RASGEF1A: variants seen among roughly 807,000 people sequenced by gnomAD.
The protein encoded by RASGEF1A is RasGEF domain family member 1A, also known as ras-GEF domain-containing family member 1A.
Under a neutral mutation model 56.4 loss-of-function variants are expected in RASGEF1A, and 18 were observed. The observed-to-expected ratio is 0.32, with a 90% CI of 0.22 to 0.47. RASGEF1A has a LOEUF of 0.47. Ranked by LOEUF, RASGEF1A falls within the 20% of genes least tolerant of loss-of-function variation. The pLI is 1.00. For synonymous variants in RASGEF1A, 245 were observed against 242.6 expected (o/e 1.01, Z -0.09); for missense variants, 422 against 627.1 (o/e 0.67, Z 3.49).
intron 1 of RASGEF1A, chr10:43,209,042 G>A: frequency 1.0e-6 from 1 of 985,386 alleles, no homozygotes; most frequent in African/African-American, 1.7e-5. Flanking sequence ...CTTCCTCCTT[G>A]CCCCAACAGC....
At chr10:43,257,116 G>A (rs926277016) in intron 1 of RASGEF1A, among the ~76,000 whole-genome samples, 38 of 152,202 alleles carry the variant, frequency 2.5e-4, no homozygotes, top group Admixed American at 1.4e-3. Context: ...CAATGGTTCT[G>A]CCTGAGTCCA....
At chr10:43,223,703 C>A (rs1188886622) in intron 1 of RASGEF1A, among the ~76,000 whole-genome samples, 1 of 152,120 alleles carries the variant, frequency 6.6e-6, no homozygotes, top group Non-Finnish European at 1.5e-5. Context: ...CAAGGATAAC[C>A]CTCTTGCAAT....
chr10:43,222,595 G>A lies in RASGEF1A; in HGVS notation c.-6-16473C>T, dbSNP rs564458786. On this transcript the variant is annotated intron_variant, in intron 1 of 12. Coordinates refer to ENST00000395810, the MANE Select transcript of RASGEF1A (RefSeq NM_145313.4). ...GCCTGGGAGGACAGGGAAGCTCCAC[G>A]CCCCTTCTCACATGCCTTGCCCTGA... Among the ~76,000 whole-genome samples the A allele has an allele frequency of 3.3e-5, 5 of 152,368 alleles. No homozygotes were observed. The South Asian group carries it at 6.2e-4, about 19-fold the overall frequency.
intron 1 of RASGEF1A, among the ~76,000 whole-genome samples, chr10:43,217,292 T>G (rs115783533): frequency 6.6e-6 from 1 of 152,048 alleles, no homozygotes; most frequent in Non-Finnish European, 1.5e-5. Context: ...AGTCCTTCCA[T>G]CCCCCTTTGG....
At chr10:43,257,351 C>T (rs960635477) in intron 1 of RASGEF1A, among the ~76,000 whole-genome samples, 1 of 152,258 alleles carries the variant, frequency 6.6e-6, no homozygotes, top group South Asian at 2.1e-4. Context: ...CACCCCTCAC[C>T]AGGTGGGCAG....
At chr10:43,235,764 G>A (rs1840423523) in intron 1 of RASGEF1A, among the ~76,000 whole-genome samples, 1 of 152,170 alleles carries the variant, frequency 6.6e-6, no homozygotes, top group Non-Finnish European at 1.5e-5. Flanking sequence ...ACGCATCCAG[G>A]GATCGGGGGG....
At chr10:43,199,255 C>T in intron 7 of RASGEF1A, 61 bp from the exon 8 acceptor site, 1 of 1,337,862 alleles carries the variant, frequency 7.5e-7, no homozygotes. Flanking sequence ...GCTGGGGCCG[C>T]CGGGCAGAGG....
chr10:43,196,406 G>T lies in RASGEF1A; in HGVS notation c.1421+70C>A. The T allele has an allele frequency of 6.4e-7, 1 of 1,566,354 alleles. No individual in the cohort carries two copies. Reference sequence around the variant, plus strand: ...AGTGCCCAGGCTCCCTTTCCAGGAGGGTAACCCTCGTGCCCACCCTGAGTC... The same window carrying T: ...AGTGCCCAGGCTCCCTTTCCAGGAGTGTAACCCTCGTGCCCACCCTGAGTC... On this transcript the variant is annotated intron_variant, in intron 12 of 12. Transcript: ENST00000395810. This position sits in a 1 kb window ranked among gnomAD's most constrained non-coding sequence, Gnocchi z 4.6.
At chr10:43,245,874 C>T (rs1305878684) in intron 1 of RASGEF1A, among the ~76,000 whole-genome samples, 17 of 152,160 alleles carry the variant, frequency 1.1e-4, no homozygotes, top group Non-Finnish European at 2.9e-5. Flanking sequence ...CTGCTCTTGC[C>T]TCTTCTATTT....
At position 43,195,991 on chromosome 10, in the gene RASGEF1A, T is replaced by C; in HGVS notation, c.*253A>G. On this transcript the variant is annotated 3_prime_UTR_variant, in exon 13 of 13. Transcript: ENST00000395810. The surrounding 1 kb of genome is among the most constrained non-coding windows in gnomAD (Gnocchi z 4.2). ...ATTTCATTAGAATAAGATGTTATCA[T>C]GGATACCATCTCCCATGATACTCTC... 5.7e-6 allele frequency: 2 copies of C among 351,848 alleles called. No homozygotes were observed. Among genetic ancestry groups the C allele is most frequent in the Non-Finnish European group, 1.0e-5 (2 of 196,132 alleles). 21.8% of individuals were successfully genotyped at this position (351,848 alleles called of 1,614,324 possible).
intron 1 of RASGEF1A, among the ~76,000 whole-genome samples, chr10:43,262,085 T>C (rs1019171178): frequency 6.6e-6 from 1 of 152,058 alleles, no homozygotes; most frequent in Non-Finnish European, 1.5e-5. Context: ...CATTCACATT[T>C]GGCGGGTCTG....
intron 1 of RASGEF1A, among the ~76,000 whole-genome samples, chr10:43,231,411 C>T (rs17158630): frequency 0.061 from 9,316 of 152,320 alleles, 330 homozygotes; most frequent in South Asian, 0.099. Context: ...AGTGTTGTCT[C>T]AGGAAGTCCA....
At chr10:43,219,086 A>G (rs1840173843) in intron 1 of RASGEF1A, among the ~76,000 whole-genome samples, 1 of 152,024 alleles carries the variant, frequency 6.6e-6, no homozygotes, top group Admixed American at 6.5e-5. Context: ...CCAAGGATGC[A>G]GCAGGTGGGA....
chr10:43,249,931 A>G (rs1160670041), intron 1 of RASGEF1A, among the ~76,000 whole-genome samples: 1 of 152,200 alleles, frequency 6.6e-6, no homozygotes, highest in Non-Finnish European at 1.5e-5. Flanking sequence ...TAAAAGCAAG[A>G]TTTAAAAGCA....
At chr10:43,220,999 A>G (rs1840200339) in intron 1 of RASGEF1A, among the ~76,000 whole-genome samples, 1 of 152,170 alleles carries the variant, frequency 6.6e-6, no homozygotes. Context: ...CATAAATACA[A>G]AGAAGCTGCT....
At chr10:43,237,736 C>CAA (rs201806099) in intron 1 of RASGEF1A, among the ~76,000 whole-genome samples, 25,143 of 151,904 alleles carry the variant, frequency 0.17, 2,639 homozygotes, top group East Asian at 0.51. Context: ...CCGCTCTCCC[C>CAA]AAACTCAGCT....
chr10:43,261,872 T>C (rs1836534791), intron 1 of RASGEF1A, among the ~76,000 whole-genome samples: 1 of 152,318 alleles, frequency 6.6e-6, no homozygotes, highest in East Asian at 1.9e-4. Flanking sequence ...GGCACAGAAC[T>C]AGCCTACAGA....
chr10:43,266,995 G>A lies in RASGEF1A; in HGVS notation c.-157C>T, dbSNP rs1836637826. Reference sequence around the variant, plus strand: ...GCCGCCCCCGCGCTGCGCCAGCTGCGGGCAGAGCAGCTCCCTCCGCAGCCG... The same window carrying A: ...GCCGCCCCCGCGCTGCGCCAGCTGCAGGCAGAGCAGCTCCCTCCGCAGCCG... On this transcript the variant is annotated 5_prime_UTR_variant, in exon 1 of 13. Transcript: ENST00000395810. 1 of 147,584 alleles carries A rather than the reference G, an allele frequency of 6.8e-6. No individual in the cohort carries two copies. Among genetic ancestry groups the A allele is most frequent in the Non-Finnish European group, 1.5e-5 (1 of 66,354 alleles). 9.1% of individuals were successfully genotyped at this position (147,584 alleles called of 1,614,324 possible). A position where few individuals can be genotyped will look rare whatever the true frequency, so the allele number is the denominator to read the frequency against.
chr10:43,207,089 C>A (rs1263363074), intron 1 of RASGEF1A: 4 of 985,550 alleles, frequency 4.1e-6, no homozygotes, highest in Non-Finnish European at 4.8e-6. Context: ...CTGGGAGGAG[C>A]CAAGTGGGGA....
Sources: gnomAD v4.1 joint callset for allele counts (sites outside exome capture counted in the v4.1 genomes callset) on GRCh38, gnomAD v4.1.1 for gene constraint, Gnocchi (gnomAD v3.1) non-coding constraint, MANE v1.5 for transcripts, NCBI Gene and HGNC (gene_info 2026-07-23, HGNC 2026-07-21) for gene names.